ZCCHC7: variants seen among roughly 807,000 people sequenced by gnomAD.
The protein encoded by ZCCHC7 is zinc finger CCHC-type containing 7.
A neutral mutation model predicts 52.0 loss-of-function variants in ZCCHC7; 35 were observed. The ratio of observed to expected loss-of-function variants is 0.67; its 90% CI spans 0.51 to 0.89. ZCCHC7 has a LOEUF of 0.89. ZCCHC7 is among the 40% of genes least tolerant of loss of function. The probability of loss-of-function intolerance (pLI) is 0.00; values close to 1 mark genes in which losing one functional copy is unlikely to be tolerated. For missense variants in ZCCHC7, 574 were observed against 649.1 expected, an observed-to-expected ratio of 0.88 and a Z score of 1.26; for synonymous variants, 217 against 221.5, an observed-to-expected ratio of 0.98 and a Z score of 0.18.
intron 2 of ZCCHC7, among the ~76,000 whole-genome samples, chr9:37,259,394 T>C (rs1264336898): frequency 2.0e-5 from 3 of 152,174 alleles, no homozygotes; most frequent in Admixed American, 2.0e-4. Flanking sequence ...TGCAAATTCA[T>C]TTTAGTCATC....
At chr9:37,295,371 A>ATAGT (rs1471053460) in intron 2 of ZCCHC7, among the ~76,000 whole-genome samples, 2 of 152,264 alleles carry the variant, frequency 1.3e-5, no homozygotes, top group Non-Finnish European at 2.9e-5. Flanking sequence ...GGCACATTGT[A>ATAGT]TAGTATACAA....
At chr9:37,178,550 A>G (rs918031591) in intron 2 of ZCCHC7, among the ~76,000 whole-genome samples, 1 of 152,194 alleles carries the variant, frequency 6.6e-6, no homozygotes, top group African/African-American at 2.4e-5. Context: ...ATAAACCTCT[A>G]TATTTCAAAG....
At chr9:37,242,351 G>A (rs1564198365) in intron 2 of ZCCHC7, among the ~76,000 whole-genome samples, 1 of 151,710 alleles carries the variant, frequency 6.6e-6, no homozygotes. Context: ...TGTATGTGAT[G>A]TTTAGCTTTG....
intron 2 of ZCCHC7, among the ~76,000 whole-genome samples, chr9:37,178,611 G>C (rs187904019): frequency 6.6e-6 from 1 of 152,244 alleles, no homozygotes. Context: ...GATTTAACGC[G>C]GTGTTGGTAC....
intron 5 of ZCCHC7, among the ~76,000 whole-genome samples, chr9:37,314,475 A>T (rs1245520861): frequency 2.6e-5 from 4 of 152,184 alleles, no homozygotes; most frequent in Non-Finnish European, 5.9e-5. Context: ...GTAGACTTGA[A>T]TTTTACTATT....
At position 37,178,750 on chromosome 9, in the gene ZCCHC7, C is replaced by T. The variant is rs576908341; in HGVS notation, c.610+51808C>T. On this transcript the variant is annotated intron_variant, in intron 2 of 8. Coordinates refer to ENST00000336755, the MANE Select transcript of ZCCHC7 (RefSeq NM_032226.3). ...AATTTTGGGTTTCTGTTAAGAAACA[C>T]GTAAAATAGCCATTAGAGTTTTGTG... 8.5e-5 allele frequency among the ~76,000 whole-genome samples: 13 copies of T among 152,112 alleles called. No homozygotes were observed. In the South Asian group the frequency reaches 2.1e-3, roughly 24 times the overall value.
rs1211100604 is a variant in ZCCHC7 at position 37,321,943 on chromosome 9, A to G, written c.952-5856A>G. ...CTCAGGATGTCAGCGCTCAGATTTC[A>G]TTATTCCAATACCAAAGGGACAATG... On this transcript the variant is annotated intron_variant, in intron 5 of 8. Coordinates refer to ENST00000336755, the MANE Select transcript of ZCCHC7 (RefSeq NM_032226.3). Among the ~76,000 whole-genome samples the G allele has an allele frequency of 2.0e-5, 3 of 152,194 alleles. No homozygotes were observed. In the East Asian group the frequency reaches 5.8e-4, roughly 29 times the overall value.
At chr9:37,338,947 G>A (rs181580550) in intron 6 of ZCCHC7, among the ~76,000 whole-genome samples, 7 of 152,242 alleles carry the variant, frequency 4.6e-5, no homozygotes, top group Admixed American at 3.3e-4. Flanking sequence ...CAAAGGAGAC[G>A]TTCCGGTCTG....
At chr9:37,319,516 C>T (rs1014388027) in intron 5 of ZCCHC7, among the ~76,000 whole-genome samples, 1 of 152,172 alleles carries the variant, frequency 6.6e-6, no homozygotes, top group African/African-American at 2.4e-5. Flanking sequence ...CAACCTCCAC[C>T]TCCCAGGCTC....
chr9:37,182,965 T>C (rs1292828217), intron 2 of ZCCHC7, among the ~76,000 whole-genome samples: 1 of 152,166 alleles, frequency 6.6e-6, no homozygotes, highest in Non-Finnish European at 1.5e-5. Flanking sequence ...CCACTGCACT[T>C]CAGCCTGGGC....
chr9:37,179,392 T>C (rs999675222), intron 2 of ZCCHC7, among the ~76,000 whole-genome samples: 1 of 152,222 alleles, frequency 6.6e-6, no homozygotes, highest in Non-Finnish European at 1.5e-5. Flanking sequence ...CGCTGTGTAA[T>C]GCCATTCAAT....
At chr9:37,227,764 A>G (rs1229648453) in intron 2 of ZCCHC7, among the ~76,000 whole-genome samples, 1 of 152,182 alleles carries the variant, frequency 6.6e-6, no homozygotes, top group African/African-American at 2.4e-5. Flanking sequence ...TGCATTCCAC[A>G]ACATGGAGGA....
chr9:37,306,761 CCTTTTTTTTTTTTTT>C (rs1829338574), intron 5 of ZCCHC7, among the ~76,000 whole-genome samples: 4 of 85,838 alleles, frequency 4.7e-5, no homozygotes, highest in Non-Finnish European at 9.7e-5. Flanking sequence ...CTGTACCCGA[CCTTTTTTTTTTTTTT>C]TTTTTTTTTT....
chr9:37,278,618 G>A (rs545911348), intron 2 of ZCCHC7, among the ~76,000 whole-genome samples: 2 of 152,292 alleles, frequency 1.3e-5, no homozygotes, highest in Non-Finnish European at 2.9e-5. Context: ...CACATTTAGT[G>A]AAAGATGTAA....
intron 2 of ZCCHC7, among the ~76,000 whole-genome samples, chr9:37,167,096 T>TG (rs1362622922): frequency 6.6e-6 from 1 of 152,174 alleles, no homozygotes; most frequent in African/African-American, 2.4e-5. Context: ...CTAGGCTGCT[T>TG]GAAGTTGTCT....
Position 37,319,341 on chromosome 9 carries a change from C to T in ZCCHC7, c.952-8458C>T, listed in dbSNP as rs576933583. 3.3e-5 allele frequency among the ~76,000 whole-genome samples: 5 copies of T among 152,250 alleles called. No individual in the cohort carries two copies. The South Asian group carries it at 8.3e-4, about 25-fold the overall frequency. ...ATAGTTTGTCTTCTTATTTTCTTGA[C>T]GGTTCTCAGGCAGAGCAGAAGTTTT... is the stretch of plus-strand genomic sequence containing the variant. On this transcript the variant is annotated intron_variant, in intron 5 of 8. Coordinates refer to ENST00000336755, the MANE Select transcript of ZCCHC7 (RefSeq NM_032226.3).
chr9:37,141,570 T>C (rs1843228245), intron 2 of ZCCHC7, among the ~76,000 whole-genome samples: 1 of 151,918 alleles, frequency 6.6e-6, no homozygotes. Flanking sequence ...CATGGTCACT[T>C]TACTGTTGGA....
intron 6 of ZCCHC7, among the ~76,000 whole-genome samples, chr9:37,331,647 G>C (rs1830454631): frequency 6.6e-6 from 1 of 151,676 alleles, no homozygotes; most frequent in Admixed American, 6.6e-5. Flanking sequence ...ATTGCCTAAT[G>C]CTAATATGGA....
At chr9:37,289,093 AT>A (rs1430865958) in intron 2 of ZCCHC7, among the ~76,000 whole-genome samples, 1 of 150,020 alleles carries the variant, frequency 6.7e-6, no homozygotes, top group Non-Finnish European at 1.5e-5. Context: ...AGTAATTATC[AT>A]TTTAGTTGCT....
Sources: allele counts gnomAD v4.1 joint callset (sites outside exome capture counted in the v4.1 genomes callset), GRCh38; gene constraint gnomAD v4.1.1; transcripts MANE v1.5; gene names NCBI Gene and HGNC (gene_info 2026-07-23, HGNC 2026-07-21).